The following RAB40A variants were observed in gnomAD, a reference collection of about 807,000 sequenced individuals.
RAB40A encodes RAB40A, member RAS oncogene family, also known as ras-related protein Rab-40A.
For missense variants in RAB40A, 145 were observed against 230.2 expected (o/e 0.63, Z 2.40); for synonymous variants, 65 against 99.9 (o/e 0.65, Z 2.08).
chrX:103,518,205 A>T (rs1028137132), intron 1 of RAB40A, among the ~76,000 whole-genome samples: 1 of 111,738 alleles, frequency 8.9e-6, no homozygotes, highest in African/African-American at 3.2e-5. Flanking sequence ...AACTAATAGA[A>T]ACATTCTATT....
At chrX:103,497,847 G>C (rs2073189580), downstream of RAB40A, among the ~76,000 whole-genome samples, 1 of 112,088 alleles carries the variant, frequency 8.9e-6, no homozygotes, top group East Asian at 2.8e-4. Flanking sequence ...AGTAGCTCTA[G>C]GAGAACTTGC....
intron 2 of RAB40A, among the ~76,000 whole-genome samples, chrX:103,505,985 A>G (rs770969270): frequency 8.9e-6 from 1 of 111,889 alleles, no homozygotes; most frequent in Non-Finnish European, 1.9e-5. Context: ...CTGCACTGTC[A>G]CCTGTGTCAT....
Position 103,507,341 on chromosome X carries a change from A to G in RAB40A, c.-70-6515T>C, listed in dbSNP as rs2073260973. Among the ~76,000 whole-genome samples the G allele has an allele frequency of 2.7e-5, 3 of 112,114 alleles. No homozygotes were observed. The Admixed American group carries it at 2.8e-4, about 11-fold the overall frequency. On this transcript the variant is annotated intron_variant, in intron 2 of 2. Transcript: ENST00000304236. Reference sequence around the variant, plus strand: ...TTACCAAGTATGTTTCACAAATCACAGCTACTAACCCAGTATCTGAGATGT... The same window carrying G: ...TTACCAAGTATGTTTCACAAATCACGGCTACTAACCCAGTATCTGAGATGT...
intron 2 of RAB40A, among the ~76,000 whole-genome samples, chrX:103,510,617 C>T (rs1189966686): frequency 2.7e-5 from 3 of 112,445 alleles, no homozygotes; most frequent in Non-Finnish European, 3.8e-5. Context: ...AAGGAAACTT[C>T]TAAAAGAATT....
intron 2 of RAB40A, chrX:103,503,588 G>A: frequency 2.2e-6 from 1 of 457,768 alleles, no homozygotes; most frequent in Non-Finnish European, 2.7e-6. Flanking sequence ...AAAAAAAAAT[G>A]GAGATAGCTG....
At chrX:103,513,421 C>T (rs1256884349) in intron 2 of RAB40A, among the ~76,000 whole-genome samples, 2 of 111,110 alleles carry the variant, frequency 1.8e-5, no homozygotes, top group African/African-American at 3.3e-5. Flanking sequence ...TCACTCGGCC[C>T]AGGGCCCCAG....
intron 2 of RAB40A, among the ~76,000 whole-genome samples, chrX:103,511,806 C>T (rs1038367950): frequency 2.7e-5 from 3 of 111,268 alleles, no homozygotes; most frequent in Admixed American, 1.9e-4. Context: ...CAAATCTGCA[C>T]GTTCTGTACA....
chrX:103,503,077 A>G (rs1423023388), intron 2 of RAB40A: 1 of 750,442 alleles, frequency 1.3e-6, no homozygotes, highest in Non-Finnish European at 1.6e-6. Context: ...AATGTTCTCT[A>G]CATTCTTGGA....
At chrX:103,496,042 T>C (rs2073168462), downstream of RAB40A, among the ~76,000 whole-genome samples, 1 of 112,187 alleles carries the variant, frequency 8.9e-6, no homozygotes, top group African/African-American at 3.2e-5. Flanking sequence ...CCATATGATA[T>C]CAATGGTGAT....
At chrX:103,496,582 C>T (rs141274064), downstream of RAB40A, among the ~76,000 whole-genome samples, 2,575 of 112,577 alleles carry the variant, frequency 0.023, 39 homozygotes, top group Middle Eastern at 0.041. Flanking sequence ...ACATTGCATA[C>T]TTAGTAATTC....
downstream of RAB40A, among the ~76,000 whole-genome samples, chrX:103,496,421 T>C (rs1040493287): frequency 9.8e-5 from 11 of 112,168 alleles, no homozygotes; most frequent in Non-Finnish European, 1.9e-4. Flanking sequence ...TCTGACCTAA[T>C]CAGGAGACTG....
chrX:103,505,703 C>T (rs1375720077), intron 2 of RAB40A, among the ~76,000 whole-genome samples: 3 of 111,499 alleles, frequency 2.7e-5, no homozygotes, highest in Non-Finnish European at 5.7e-5. Context: ...TAAAATCTTT[C>T]ACTCTGTATT....
intron 2 of RAB40A, among the ~76,000 whole-genome samples, chrX:103,511,685 C>T (rs1052522456): frequency 4.7e-5 from 5 of 105,870 alleles, no homozygotes; most frequent in Non-Finnish European, 7.7e-5. Flanking sequence ...CATCACACAC[C>T]GGGGCCTGTT....
intron 2 of RAB40A, chrX:103,502,779 C>T: frequency 2.7e-6 from 2 of 753,937 alleles, no homozygotes; most frequent in Non-Finnish European, 3.2e-6. Context: ...GACTTAGGCT[C>T]TGAAAGCCTG....
At chrX:103,517,607 T>C (rs1424861154) in intron 1 of RAB40A, 82 bp from the exon 2 acceptor site, 1 of 112,411 alleles carries the variant, frequency 8.9e-6, no homozygotes, top group Non-Finnish European at 1.9e-5. Flanking sequence ...ATTGCTACTA[T>C]ATTTCTAAAT....
downstream of RAB40A, among the ~76,000 whole-genome samples, chrX:103,496,063 A>G (rs1193612148): frequency 1.8e-5 from 2 of 111,927 alleles, no homozygotes; most frequent in Non-Finnish European, 3.8e-5. Context: ...GTTAACCTTC[A>G]TCACTTGGTT....
intron 2 of RAB40A, among the ~76,000 whole-genome samples, chrX:103,517,129 C>T (rs764472741): frequency 7.7e-4 from 86 of 111,551 alleles, no homozygotes; most frequent in Non-Finnish European, 1.3e-3. Context: ...TAATACCTGG[C>T]AAAGTAATCC....
intron 2 of RAB40A, among the ~76,000 whole-genome samples, chrX:103,511,445 G>T (rs1419482285): frequency 9.1e-6 from 1 of 109,343 alleles, no homozygotes; most frequent in Non-Finnish European, 1.9e-5. Flanking sequence ...GGAGCTTGCA[G>T]TGAGCCGAGA....
At chrX:103,502,546 C>A (rs7891217) in intron 2 of RAB40A, 18,095 of 179,383 alleles carry the variant, frequency 0.1, 3,512 homozygotes, top group African/African-American at 0.54. Context: ...CATACGGTCC[C>A]ACACCCAGTC....
Sources: allele counts gnomAD v4.1 joint callset (sites outside exome capture counted in the v4.1 genomes callset), GRCh38; gene constraint gnomAD v4.1.1; transcripts MANE v1.5; gene names NCBI Gene and HGNC (gene_info 2026-07-23, HGNC 2026-07-21).